DGKB: variants seen among roughly 807,000 people sequenced by gnomAD.
DGKB encodes 90 kDa diacylglycerol kinase.
Under a neutral mutation model 114.3 loss-of-function variants are expected in DGKB, and 67 were observed. The ratio of observed to expected loss-of-function variants is 0.59; its 90% CI spans 0.48 to 0.72. DGKB has a LOEUF of 0.72. DGKB is among the 30% of genes least tolerant of loss of function. The probability of loss-of-function intolerance (pLI) is 0.00; values close to 1 mark genes in which losing one functional copy is unlikely to be tolerated. For synonymous variants in DGKB, 398 were observed against 323.1 expected (o/e 1.23, Z -2.49); for missense variants, 907 against 975.2 (o/e 0.93, Z 0.93).
chr7:14,739,932 C>T (rs1038337406), intron 4 of DGKB, among the ~76,000 whole-genome samples: 2 of 152,368 alleles, frequency 1.3e-5, no homozygotes, highest in Non-Finnish European at 2.9e-5. Flanking sequence ...TCCCTGCCCT[C>T]CCCCACGTTC....
chr7:14,441,133 C>G (rs1485386740), intron 21 of DGKB, among the ~76,000 whole-genome samples: 3 of 152,038 alleles, frequency 2.0e-5, no homozygotes, highest in South Asian at 4.1e-4. Context: ...CTCAGACTCT[C>G]TAGCGGCTGG....
At chr7:14,599,735 G>A (rs1803211870) in intron 17 of DGKB, among the ~76,000 whole-genome samples, 2 of 152,138 alleles carry the variant, frequency 1.3e-5, no homozygotes, top group East Asian at 1.9e-4. Flanking sequence ...TGATGAGATT[G>A]TTCCTGGCAT....
In DGKB at chr7:14,660,555, C is replaced by A. The variant is rs906678785; in HGVS notation, c.1134+12374G>T. 3.3e-5 allele frequency among the ~76,000 whole-genome samples: 5 copies of A among 151,928 alleles called. No homozygotes were observed. In the South Asian group the frequency reaches 8.3e-4, roughly 25 times the overall value. The stretch of plus-strand genomic sequence containing the variant: ...ATGGTAGTTTGTATTTCTGTGGGAT[C>A]GGTGGTGATATCCCCTTTATCATTT... On this transcript the variant is annotated intron_variant, in intron 13 of 25. Transcript: ENST00000402815.
intron 23 of DGKB, among the ~76,000 whole-genome samples, chr7:14,220,187 A>G (rs959716965): frequency 1.3e-5 from 2 of 151,806 alleles, no homozygotes; most frequent in South Asian, 2.1e-4. Context: ...TCTGTATGTA[A>G]GCATGTCAAA....
chr7:14,943,110 T>C (rs950819973), intron 1 of DGKB, among the ~76,000 whole-genome samples: 1 of 152,022 alleles, frequency 6.6e-6, no homozygotes, highest in African/African-American at 2.4e-5. Flanking sequence ...TCTTTCTTTT[T>C]ATATTCTATA....
chr7:14,821,459 G>C (rs772684405), intron 2 of DGKB, among the ~76,000 whole-genome samples: 10 of 152,118 alleles, frequency 6.6e-5, no homozygotes, highest in Non-Finnish European at 1.5e-4. Context: ...AACTTCAAGT[G>C]GCCAAGAGAG....
At chr7:14,153,804 G>T (rs1782576992) in intron 25 of DGKB, among the ~76,000 whole-genome samples, 1 of 151,966 alleles carries the variant, frequency 6.6e-6, no homozygotes, top group Non-Finnish European at 1.5e-5. Context: ...CATGGCATCA[G>T]GCTTTTCAAA....
chr7:14,331,877 G>C (rs751822599), intron 23 of DGKB, among the ~76,000 whole-genome samples: 1 of 152,144 alleles, frequency 6.6e-6, no homozygotes, highest in African/African-American at 2.4e-5. Context: ...CACTTGAGTA[G>C]AGATACTCCT....
At chr7:14,279,843 A>G (rs1389350945) in intron 23 of DGKB, among the ~76,000 whole-genome samples, 1 of 149,300 alleles carries the variant, frequency 6.7e-6, no homozygotes, top group African/African-American at 2.5e-5. Flanking sequence ...GACATCCACA[A>G]CAAAAACCCA....
chr7:14,614,734 C>T (rs906774965), intron 15 of DGKB, among the ~76,000 whole-genome samples: 2 of 152,058 alleles, frequency 1.3e-5, no homozygotes, highest in Non-Finnish European at 2.9e-5. Flanking sequence ...CTGAGATACT[C>T]GTAATTTTTC....
At chr7:14,151,421 G>C (rs1468135695) in intron 25 of DGKB, among the ~76,000 whole-genome samples, 4 of 149,046 alleles carry the variant, frequency 2.7e-5, no homozygotes, top group Admixed American at 1.3e-4. Flanking sequence ...TTTTTGGCGG[G>C]GGCATATAAA....
intron 23 of DGKB, chr7:14,192,240 C>G (rs950937684): frequency 3.5e-5 from 7 of 201,256 alleles, no homozygotes; most frequent in Admixed American, 5.8e-5. Flanking sequence ...AAAAACTAGT[C>G]AAACTGAAAA....
chr7:14,809,880 T>G (rs1464386720), intron 2 of DGKB, among the ~76,000 whole-genome samples: 1 of 152,160 alleles, frequency 6.6e-6, no homozygotes, highest in African/African-American at 2.4e-5. Flanking sequence ...CCCCTAGCAA[T>G]TTTTAGGAAT....
intron 23 of DGKB, among the ~76,000 whole-genome samples, chr7:14,323,470 T>C (rs572469939): frequency 6.6e-6 from 1 of 151,772 alleles, no homozygotes; most frequent in East Asian, 1.9e-4. Flanking sequence ...AGAGAGGGAG[T>C]AGGGAATCGG....
At chr7:14,640,380 A>C (rs1811536169) in intron 13 of DGKB, among the ~76,000 whole-genome samples, 1 of 152,194 alleles carries the variant, frequency 6.6e-6, no homozygotes, top group African/African-American at 2.4e-5. Context: ...AAAGGAAGTA[A>C]TTTAAAAATA....
chr7:14,702,336 A>G (rs1254875678), intron 6 of DGKB, among the ~76,000 whole-genome samples: 5 of 152,154 alleles, frequency 3.3e-5, no homozygotes, highest in African/African-American at 1.2e-4. Flanking sequence ...GGCGGAGTGC[A>G]AAATAACAGG....
chr7:14,507,003 C>CAT (rs968299182), intron 20 of DGKB, among the ~76,000 whole-genome samples: 6 of 152,154 alleles, frequency 3.9e-5, no homozygotes, highest in African/African-American at 1.4e-4. Flanking sequence ...TTTGTATTCA[C>CAT]ATTGTGAGGA....
intron 23 of DGKB, among the ~76,000 whole-genome samples, chr7:14,269,557 C>G (rs952525584): frequency 6.6e-5 from 10 of 152,112 alleles, no homozygotes; most frequent in African/African-American, 2.4e-4. Flanking sequence ...TCACTATTTC[C>G]CTGACTCCAC....
chr7:14,882,094 A>G (rs540023150), intron 1 of DGKB, among the ~76,000 whole-genome samples: 1 of 152,068 alleles, frequency 6.6e-6, no homozygotes, highest in Admixed American at 6.6e-5. Flanking sequence ...TCAACAGAAC[A>G]TTCCCAGGCA....
Sources: gnomAD v4.1 joint callset for allele counts (sites outside exome capture counted in the v4.1 genomes callset) on GRCh38, gnomAD v4.1.1 for gene constraint, MANE v1.5 for transcripts, NCBI Gene and HGNC (gene_info 2026-07-23, HGNC 2026-07-21) for gene names.